Variants in SEC14L1 observed in about 807,000 individuals in gnomAD.
The protein encoded by SEC14L1 is SEC14-like protein 1.
SEC14L1 carries 48 observed loss-of-function variants against 85.3 expected under a neutral mutation model. The ratio of observed to expected loss-of-function variants is 0.56; its 90% CI spans 0.45 to 0.72. The LOEUF is 0.72. SEC14L1 is among the 30% of genes least tolerant of loss of function. The pLI, the probability that SEC14L1 is intolerant of heterozygous loss-of-function variation, is 0.00. For synonymous variants in SEC14L1, 391 were observed against 355.5 expected, an observed-to-expected ratio of 1.10 and a Z score of -1.12; for missense variants, 682 against 921.4, an observed-to-expected ratio of 0.74 and a Z score of 3.36.
Position 77,214,100 on chromosome 17 carries a change from G to C in SEC14L1, c.*77G>C. On this transcript the variant is annotated 3_prime_UTR_variant, in exon 17 of 17. Coordinates refer to ENST00000436233, the MANE Select transcript of SEC14L1 (RefSeq NM_001143998.2). ...ACAGCCAGCTGCACCCGCCCACCCA[G>C]CGGCGACATTGTACAGACTCCTCTC... 1 of 1,556,938 alleles carries C rather than the reference G, an allele frequency of 6.4e-7. No homozygotes were observed. Among genetic ancestry groups the C allele is most frequent in the Non-Finnish European group, 8.7e-7 (1 of 1,151,850 alleles).
At chr17:77,179,460 A>C (rs563801333) in intron 3 of SEC14L1, among the ~76,000 whole-genome samples, 6 of 151,800 alleles carry the variant, frequency 4.0e-5, no homozygotes, top group Non-Finnish European at 8.8e-5. Flanking sequence ...AAGAAACCCA[A>C]CCTTTTTTGT....
At chr17:77,167,147 T>A (rs1356560587) in intron 3 of SEC14L1, among the ~76,000 whole-genome samples, 1 of 47,924 alleles carries the variant, frequency 2.1e-5, no homozygotes, top group Admixed American at 1.8e-4. Context: ...TTCTTTTTCC[T>A]TTTTTTTTTT....
At chr17:77,170,063 CT>C (rs1974459349) in intron 3 of SEC14L1, among the ~76,000 whole-genome samples, 1 of 152,120 alleles carries the variant, frequency 6.6e-6, no homozygotes, top group Non-Finnish European at 1.5e-5. Context: ...GGCAAAGGTA[CT>C]TTTCTGAAGA....
chr17:77,180,073 G>GTTATC (rs1293347040), intron 3 of SEC14L1, among the ~76,000 whole-genome samples: 4 of 147,232 alleles, frequency 2.7e-5, no homozygotes, highest in African/African-American at 7.4e-5. Flanking sequence ...GTTATGTTAT[G>GTTATC]TTATGTTATG....
At chr17:77,195,316 G>T (rs1254791) in intron 7 of SEC14L1, among the ~76,000 whole-genome samples, 126,518 of 140,290 alleles carry the variant, frequency 0.9, 57,803 homozygotes, top group East Asian at 0.98. Flanking sequence ...GTTTTTTTTT[G>T]TTTGTTTGTT....
At chr17:77,176,150 C>T (rs920566304) in intron 3 of SEC14L1, among the ~76,000 whole-genome samples, 6 of 151,972 alleles carry the variant, frequency 3.9e-5, no homozygotes, top group African/African-American at 7.3e-5. Flanking sequence ...ATTAGCTGAG[C>T]GTGGTGCTGC....
Position 77,165,206 on chromosome 17 carries a change from A to G in SEC14L1, c.63+21547A>G, listed in dbSNP as rs572908011. ...CAATGAATTAGATAACTAAATCCATATATTTCCTCTTCTTCTGTGAACCCC... is the reference window on the plus strand; with the variant it reads ...CAATGAATTAGATAACTAAATCCATGTATTTCCTCTTCTTCTGTGAACCCC... On this transcript the variant is annotated intron_variant, in intron 3 of 16. Transcript: ENST00000436233. Among the ~76,000 whole-genome samples the G allele has an allele frequency of 2.6e-5, 4 of 152,328 alleles. No individual in the cohort carries two copies. In the South Asian group the frequency reaches 8.3e-4, roughly 32 times the overall value.
intron 3 of SEC14L1, among the ~76,000 whole-genome samples, chr17:77,127,261 T>A (rs1972476794): frequency 6.6e-6 from 1 of 152,148 alleles, no homozygotes; most frequent in South Asian, 2.1e-4. Context: ...CCTGGGTTAG[T>A]TTTCTGAGGA....
chr17:77,201,354 A>G (rs1355532303), intron 9 of SEC14L1, among the ~76,000 whole-genome samples: 1 of 152,174 alleles, frequency 6.6e-6, no homozygotes, highest in Admixed American at 6.5e-5. Flanking sequence ...CCCTCTGAAC[A>G]AGTCCTTGCA....
Position 77,206,487 on chromosome 17 carries a change from TCTTAA to T in SEC14L1, c.1341+91_1341+95del, listed in dbSNP as rs1160270903. On this transcript the variant is annotated intron_variant, in intron 12 of 16. Coordinates refer to ENST00000436233, the MANE Select transcript of SEC14L1 (RefSeq NM_001143998.2). This position sits in a 1 kb window ranked among gnomAD's most constrained non-coding sequence, Gnocchi z 4.3. Reference sequence around the variant, plus strand: ...ATATACACGTGTCTGTGACCTAAAGTCTTAACTTCTTAGGAAAAAAAACAATAACA... The same window carrying T: ...ATATACACGTGTCTGTGACCTAAAGTCTTCTTAGGAAAAAAAACAATAACA... 23 of 1,432,148 alleles carry T rather than the reference TCTTAA, an allele frequency of 1.6e-5. No individual in the cohort carries two copies. Among genetic ancestry groups the T allele is most frequent in the Non-Finnish European group, 2.1e-5 (22 of 1,055,956 alleles). The allele number at this position is 1,432,148 out of a possible 1,614,324, so 88.7% of individuals were successfully genotyped here. A position where few individuals can be genotyped will look rare whatever the true frequency, so the allele number is the denominator to read the frequency against.
intron 3 of SEC14L1, among the ~76,000 whole-genome samples, chr17:77,167,706 G>A (rs1421127857): frequency 1.3e-5 from 2 of 152,194 alleles, no homozygotes; most frequent in African/African-American, 2.4e-5. Context: ...CCAGGAGGAA[G>A]TAGACACACG....
rs910564286 is a variant in SEC14L1, at chr17:77,204,534, T to A, written c.1099-742T>A. Among the ~76,000 whole-genome samples, 115 of 149,114 alleles carry A rather than the reference T, an allele frequency of 7.7e-4. 1 individual carries two copies. In the South Asian group the frequency reaches 0.024, roughly 31 times the overall value. ...CCTGCCCAGCCAGCTTTTTTTTTTT[T>A]TTTTTTTTTTTTTTTAAAGAGACAT... On this transcript the variant is annotated intron_variant, in intron 10 of 16. Transcript: ENST00000436233.
chr17:77,196,443 C>A (rs939593126), intron 8 of SEC14L1, 132 bp downstream of exon 8: 2 of 605,762 alleles, frequency 3.3e-6, no homozygotes, highest in Non-Finnish European at 5.8e-6. Flanking sequence ...GTTTAGAAGT[C>A]ATTGAATTTA....
At position 77,215,472 on chromosome 17, in the gene SEC14L1, G is replaced by C; in HGVS notation, c.*1449G>C. On this transcript the variant is annotated 3_prime_UTR_variant, in exon 17 of 17. Coordinates refer to ENST00000436233, the MANE Select transcript of SEC14L1 (RefSeq NM_001143998.2). The stretch of plus-strand genomic sequence containing the variant: ...GTCTCAGCTCCGCTCTGAAGGCACT[G>C]TGTGGGTGCTGCGTGACTGGAGAGC... The C allele has an allele frequency of 1.0e-6, 1 of 985,774 alleles. No individual in the cohort carries two copies. The highest frequency in any genetic ancestry group is 1.2e-6 in the Non-Finnish European group (1 of 830,146). The allele number at this position is 985,774 out of a possible 1,614,324, so 61.1% of individuals were successfully genotyped here.
At chr17:77,188,598 A>G (rs186246104) in intron 3 of SEC14L1, among the ~76,000 whole-genome samples, 15 of 152,184 alleles carry the variant, frequency 9.9e-5, no homozygotes, top group East Asian at 1.9e-4. Context: ...TAACGCTGCT[A>G]TGAATGTTTG....
intron 3 of SEC14L1, among the ~76,000 whole-genome samples, chr17:77,114,056 G>A (rs1384731413): frequency 2.0e-5 from 3 of 152,296 alleles, no homozygotes; most frequent in South Asian, 2.1e-4. Context: ...CTAAATGCGG[G>A]TGCAAATAAA....
chr17:77,130,054 T>A (rs1252093995), intron 3 of SEC14L1: 1 of 152,150 alleles, frequency 6.6e-6, no homozygotes, highest in Admixed American at 6.5e-5. Context: ...TTTCTCTGAG[T>A]GGGAAGCTGA....
chr17:77,147,142 C>T (rs756065284), intron 3 of SEC14L1, among the ~76,000 whole-genome samples: 3 of 152,148 alleles, frequency 2.0e-5, no homozygotes, highest in Non-Finnish European at 4.4e-5. Flanking sequence ...TGGGTCGAGT[C>T]CTGGTTTATG....
Position 77,209,401 on chromosome 17 carries a change from G to A in SEC14L1, c.1536G>A (p.Leu512=), listed in dbSNP as rs754124507. ...CTCTGTACCGGACTGCAGAGGAGCT[G>A]GAGAACGAAGACCTGAAGCTCTGGA... ...PKSLYRTAEE[L]ENEDLKLWTE... Residue 512 remains leucine (L), a synonymous_variant, in exon 14 of 17, where the codon CTG becomes CTA. Transcript: ENST00000436233. The A allele has an allele frequency of 1.9e-6, 3 of 1,614,170 alleles. No homozygotes were observed. Among genetic ancestry groups the A allele is most frequent in the Non-Finnish European group, 2.5e-6 (3 of 1,180,024 alleles).
Sources: allele counts gnomAD v4.1 joint callset (sites outside exome capture counted in the v4.1 genomes callset), GRCh38; gene constraint gnomAD v4.1.1; non-coding constraint Gnocchi (gnomAD v3.1); transcripts MANE v1.5; gene names NCBI Gene and HGNC (gene_info 2026-07-23, HGNC 2026-07-21).